IDNK: variants seen among roughly 807,000 people sequenced by gnomAD.
The protein encoded by IDNK is gluconokinase.
IDNK carries 9 observed loss-of-function variants against 13.0 expected under a neutral mutation model. The ratio of observed to expected loss-of-function variants is 0.69; its 90% CI spans 0.42 to 1.21. The LOEUF is 1.21. Among genes scored for constraint, IDNK ranks in the 50% most tolerant of loss-of-function variants. The probability of loss-of-function intolerance (pLI) is 0.00; values close to 1 mark genes in which losing one functional copy is unlikely to be tolerated. For missense variants in IDNK, 210 were observed against 237.8 expected, an observed-to-expected ratio of 0.88 and a Z score of 0.77; for synonymous variants, 92 against 94.9, an observed-to-expected ratio of 0.97 and a Z score of 0.18.
At chr9:83,627,933 G>A in intron 1 of IDNK, 6 of 1,017,094 alleles carry the variant, frequency 5.9e-6, no homozygotes, top group Middle Eastern at 3.9e-4. Flanking sequence ...GGTTTAATGA[G>A]ATCTTATATA....
intron 3 of IDNK, among the ~76,000 whole-genome samples, chr9:83,632,195 C>T (rs1042700193): frequency 6.6e-6 from 1 of 152,072 alleles, no homozygotes; most frequent in Non-Finnish European, 1.5e-5. Flanking sequence ...ACACCCATCT[C>T]CCCGCCATTC....
intron 1 of IDNK, chr9:83,626,839 A>G: frequency 9.1e-7 from 1 of 1,099,048 alleles, no homozygotes. Flanking sequence ...CAATAGAATG[A>G]ACTAATGGGA....
At chr9:83,633,053 CT>C (rs2131627010) in intron 3 of IDNK, among the ~76,000 whole-genome samples, 1 of 152,318 alleles carries the variant, frequency 6.6e-6, no homozygotes, top group Admixed American at 6.5e-5. Context: ...CAAGATTGGC[CT>C]GTCCTCCAGG....
intron 3 of IDNK, among the ~76,000 whole-genome samples, chr9:83,638,884 AAAT>A (rs1831228845): frequency 2.0e-5 from 3 of 152,244 alleles, no homozygotes; most frequent in Admixed American, 1.3e-4. Flanking sequence ...ATGGAATTTC[AAAT>A]AACTTGAAAA....
intron 3 of IDNK, among the ~76,000 whole-genome samples, chr9:83,633,674 T>C (rs1402718149): frequency 6.6e-6 from 1 of 152,232 alleles, no homozygotes; most frequent in Non-Finnish European, 1.5e-5. Context: ...CCTTTTCTTA[T>C]TTAAATCCCA....
chr9:83,626,633 T>C, intron 1 of IDNK: 1 of 1,056,498 alleles, frequency 9.5e-7, no homozygotes, highest in South Asian at 1.3e-5. Context: ...GCCGAGCTAG[T>C]CCCGAACTCC....
upstream of IDNK, chr9:83,623,006 AG>A (rs1830739426): frequency 4.5e-6 from 2 of 442,922 alleles, no homozygotes; most frequent in Non-Finnish European, 7.7e-6. Flanking sequence ...AGGTTGGGAA[AG>A]GGAGGAGGAA....
chr9:83,643,307 A>C, intron 4 of IDNK, 122 bp from the exon 5 acceptor site: 1 of 734,198 alleles, frequency 1.4e-6, no homozygotes, highest in Non-Finnish European at 2.2e-6. Flanking sequence ...CTTAAACACC[A>C]TTTTCTAATG....
At chr9:83,642,560 CAAA>C (rs59605419) in intron 4 of IDNK, among the ~76,000 whole-genome samples, 11 of 131,944 alleles carry the variant, frequency 8.3e-5, no homozygotes, top group Non-Finnish European at 1.0e-4. Flanking sequence ...GTATTGGCTG[CAAA>C]AAAAAAAAAA....
chr9:83,626,751 CT>C (rs1461445703), intron 1 of IDNK: 37 of 1,197,624 alleles, frequency 3.1e-5, no homozygotes, highest in Non-Finnish European at 3.9e-5. Context: ...GCTATGCACA[CT>C]TCTGGCTTCA....
At chr9:83,629,590 T>G (rs1443222982) in intron 3 of IDNK, among the ~76,000 whole-genome samples, 1 of 152,186 alleles carries the variant, frequency 6.6e-6, no homozygotes, top group Non-Finnish European at 1.5e-5. Flanking sequence ...CCTGTTCCCT[T>G]CTTCCCTGAG....
Position 83,629,759 on chromosome 9 carries a change from A to G in IDNK, c.168+800A>G, listed in dbSNP as rs901816753. Among the ~76,000 whole-genome samples, 3 of 152,362 alleles carry G rather than the reference A, an allele frequency of 2.0e-5. No homozygotes were observed. The South Asian group carries it at 6.2e-4, about 32-fold the overall frequency. ...GAATTTGATTAATGTTTGTCTCTGC[A>G]ACTAGACTTTACCCCTAAAAGGGCA... On this transcript the variant is annotated intron_variant, in intron 3 of 4. Transcript: ENST00000376419.
chr9:83,630,012 C>T (rs576231556), intron 3 of IDNK, among the ~76,000 whole-genome samples: 5 of 152,348 alleles, frequency 3.3e-5, no homozygotes, highest in East Asian at 1.9e-4. Flanking sequence ...GCTGGGGCCA[C>T]GCACTAAGTG....
chr9:83,623,588 GCGCACGGCCTCTAGCGAGAGGA>G (rs1442816848), intron 1 of IDNK: 3 of 277,294 alleles, frequency 1.1e-5, no homozygotes, highest in Non-Finnish European at 2.1e-5. Context: ...AGGCGGGAGG[GCGCACGGCCTCTAGCGAGAGGA>G]CGCAAACCAC....
chr9:83,643,959 C>CA lies in IDNK; in HGVS notation c.*180dup, dbSNP rs1831388432. 7 of 543,258 alleles carry CA rather than the reference C, an allele frequency of 1.3e-5. No individual in the cohort carries two copies. The South Asian group carries it at 1.8e-4, about 14-fold the overall frequency. The allele number at this position is 543,258 out of a possible 1,614,324, so 33.7% of individuals were successfully genotyped here. A position where few individuals can be genotyped will look rare whatever the true frequency, so the allele number is the denominator to read the frequency against. ...GGAATTATGCTGGTTCATCAGGAAG[C>CA]AGAGGGGGAGTTTTAAAAGTCAAGC... On this transcript the variant is annotated 3_prime_UTR_variant, in exon 5 of 5. Transcript: ENST00000376419.
At chr9:83,628,153 A>G in intron 1 of IDNK, 28 bp from the exon 2 acceptor site, 1 of 1,550,454 alleles carries the variant, frequency 6.4e-7, no homozygotes, top group Middle Eastern at 1.7e-4. Context: ...GCAGGGCAGT[A>G]ACGGGAACAT....
chr9:83,639,195 T>G (rs769113489), intron 3 of IDNK, among the ~76,000 whole-genome samples: 1 of 152,100 alleles, frequency 6.6e-6, no homozygotes, highest in Non-Finnish European at 1.5e-5. Context: ...TTTTAAAAAA[T>G]TAACATTCAT....
chr9:83,627,609 T>G (rs144286414), intron 1 of IDNK, among the ~76,000 whole-genome samples: 354 of 152,116 alleles, frequency 2.3e-3, no homozygotes, highest in African/African-American at 8.0e-3. Flanking sequence ...AACAGATAGT[T>G]ACCAAATGCT....
At chr9:83,640,429 G>A (rs1831272838) in intron 3 of IDNK, among the ~76,000 whole-genome samples, 1 of 152,094 alleles carries the variant, frequency 6.6e-6, no homozygotes, top group Non-Finnish European at 1.5e-5. Context: ...TAAAAGCAAG[G>A]ACTTTTAAAA....
Sources: allele counts gnomAD v4.1 joint callset (sites outside exome capture counted in the v4.1 genomes callset), GRCh38; gene constraint gnomAD v4.1.1; transcripts MANE v1.5; gene names NCBI Gene and HGNC (gene_info 2026-07-23, HGNC 2026-07-21).